The following PINX1 variants were observed in gnomAD, a reference collection of about 807,000 sequenced individuals.
The protein encoded by PINX1 is PIN2/TERF1-interacting telomerase inhibitor 1.
PINX1 carries 34 observed loss-of-function variants against 25.4 expected under a neutral mutation model. The observed-to-expected ratio is 1.34, with a 90% CI of 1.02 to 1.78. The LOEUF is 1.78. Among genes scored for constraint, PINX1 ranks in the 40% most tolerant of loss-of-function variants. The pLI, the probability that PINX1 is intolerant of heterozygous loss-of-function variation, is 0.00. For synonymous variants in PINX1, 197 were observed against 147.7 expected (o/e 1.33, Z -2.42); for missense variants, 592 against 404.9 (o/e 1.46, Z -3.97).
Position 10,812,298 on chromosome 8 carries a change from T to C in PINX1, c.471+7895A>G, listed in dbSNP as rs10109388. ...AGAATCCAAGTAATGTCCTCTCCTTTGTGGTCGAGGAAAACGTAAAACTTC... is the reference window on the plus strand; with the variant it reads ...AGAATCCAAGTAATGTCCTCTCCTTCGTGGTCGAGGAAAACGTAAAACTTC... On this transcript the variant is annotated intron_variant, in intron 6 of 6. Transcript: ENST00000314787. Among the ~76,000 whole-genome samples, 1,273 of 152,360 alleles carry C rather than the reference T, an allele frequency of 8.4e-3. 16 individuals carry two copies. The highest frequency in any genetic ancestry group is 0.029 in the African/African-American group (1,199 of 41,580).
intron 6 of PINX1, among the ~76,000 whole-genome samples, chr8:10,809,503 T>C (rs1802559493): frequency 6.6e-6 from 1 of 152,228 alleles, no homozygotes; most frequent in Non-Finnish European, 1.5e-5. Flanking sequence ...TTCCCTGCAC[T>C]CTGAATTAGA....
At chr8:10,813,699 C>A (rs999492735) in intron 6 of PINX1, among the ~76,000 whole-genome samples, 3 of 152,078 alleles carry the variant, frequency 2.0e-5, no homozygotes, top group African/African-American at 7.2e-5. Context: ...CTAATTCAAT[C>A]AGGTTAGAGA....
intron 6 of PINX1, among the ~76,000 whole-genome samples, chr8:10,770,809 G>C (rs915853823): frequency 1.3e-5 from 2 of 152,200 alleles, no homozygotes; most frequent in Non-Finnish European, 2.9e-5. Flanking sequence ...TCAAAGGCAA[G>C]TCTTTCAGCT....
intron 6 of PINX1, among the ~76,000 whole-genome samples, chr8:10,804,060 A>AG (rs1802356904): frequency 6.6e-6 from 1 of 152,232 alleles, no homozygotes; most frequent in Admixed American, 6.5e-5. Context: ...ACCCTGAGCC[A>AG]GGGCCTATGA....
At chr8:10,792,144 C>T (rs1801943082) in intron 6 of PINX1, among the ~76,000 whole-genome samples, 1 of 152,172 alleles carries the variant, frequency 6.6e-6, no homozygotes, top group Non-Finnish European at 1.5e-5. Context: ...ATTATCCTCT[C>T]ATTGGATGAC....
At chr8:10,826,892 G>A (rs896397996) in intron 4 of PINX1, among the ~76,000 whole-genome samples, 3 of 152,346 alleles carry the variant, frequency 2.0e-5, no homozygotes, top group East Asian at 3.9e-4. Context: ...TTGCTGTGCC[G>A]TGGTGGCCAA....
At chr8:10,801,179 G>A (rs946437302) in intron 6 of PINX1, among the ~76,000 whole-genome samples, 2 of 152,134 alleles carry the variant, frequency 1.3e-5, no homozygotes, top group South Asian at 4.1e-4. Flanking sequence ...GATTAATCAC[G>A]CCTATCCTGC....
intron 6 of PINX1, among the ~76,000 whole-genome samples, chr8:10,807,422 T>C (rs1045143884): frequency 1.5e-5 from 2 of 137,616 alleles, no homozygotes; most frequent in Admixed American, 8.6e-5. Flanking sequence ...CTTCAACTAC[T>C]GGCTTCCTGA....
At chr8:10,802,138 G>GA (rs949621912) in intron 6 of PINX1, among the ~76,000 whole-genome samples, 14 of 151,318 alleles carry the variant, frequency 9.3e-5, no homozygotes, top group South Asian at 2.1e-4. Flanking sequence ...AGAGCAAAGG[G>GA]AAAAAAAAAC....
intron 6 of PINX1, among the ~76,000 whole-genome samples, chr8:10,798,879 C>A (rs76980896): frequency 0.011 from 1,668 of 152,292 alleles, 30 homozygotes; most frequent in African/African-American, 0.038. Flanking sequence ...CAGCTTAGAA[C>A]TGGAGGCGGT....
intron 6 of PINX1, among the ~76,000 whole-genome samples, chr8:10,773,541 T>A (rs992852237): frequency 1.3e-5 from 2 of 152,144 alleles, no homozygotes; most frequent in Non-Finnish European, 2.9e-5. Context: ...GAGAAGATAA[T>A]ACGAACTAGA....
chr8:10,793,158 T>G lies in PINX1; in HGVS notation c.471+27035A>C, dbSNP rs72552394. Among the ~76,000 whole-genome samples the G allele has an allele frequency of 4.9e-3, 744 of 152,288 alleles. 2 individuals are homozygous for G. The highest frequency in any genetic ancestry group is 0.01 in the Middle Eastern group (3 of 294). On this transcript the variant is annotated intron_variant, in intron 6 of 6. Transcript: ENST00000314787. Reference sequence around the variant, plus strand: ...CTTCCGCTTGAGGTGCTTCAAGAAGTGTAAGCTTGAAGAGCTCCTGCCCCC... The same window carrying G: ...CTTCCGCTTGAGGTGCTTCAAGAAGGGTAAGCTTGAAGAGCTCCTGCCCCC...
At chr8:10,839,462 G>C (rs1359588473) in intron 1 of PINX1, among the ~76,000 whole-genome samples, 1 of 152,196 alleles carries the variant, frequency 6.6e-6, no homozygotes, top group African/African-American at 2.4e-5. Flanking sequence ...CCCGGGACCC[G>C]GTGTTCTGAC....
At chr8:10,835,968 C>A (rs1798393691) in intron 1 of PINX1, among the ~76,000 whole-genome samples, 1 of 151,986 alleles carries the variant, frequency 6.6e-6, no homozygotes, top group Non-Finnish European at 1.5e-5. Flanking sequence ...GTTCAAAGCA[C>A]AAGAATGTCA....
intron 6 of PINX1, among the ~76,000 whole-genome samples, chr8:10,772,165 G>T (rs138078364): frequency 2.0e-5 from 3 of 152,252 alleles, no homozygotes; most frequent in African/African-American, 7.2e-5. Context: ...GAGAGTTCTC[G>T]TGCATACCAC....
intron 6 of PINX1, among the ~76,000 whole-genome samples, chr8:10,809,215 A>G (rs189664254): frequency 5.9e-5 from 9 of 152,358 alleles, no homozygotes; most frequent in Admixed American, 1.3e-4. Context: ...AGCTCCCTTC[A>G]GTTCCCCTTC....
chr8:10,788,170 T>G (rs1190924634), intron 6 of PINX1, among the ~76,000 whole-genome samples: 1 of 152,130 alleles, frequency 6.6e-6, no homozygotes, highest in Non-Finnish European at 1.5e-5. Flanking sequence ...GGCCACGAAT[T>G]GATCATTGTT....
intron 6 of PINX1, chr8:10,787,633 A>C (rs1563210047): frequency 3.1e-6 from 1 of 322,990 alleles, no homozygotes; most frequent in Non-Finnish European, 6.1e-6. Flanking sequence ...CCTTTTGGTA[A>C]AAAGCCACAC....
At chr8:10,825,457 A>C (rs747240377) in intron 5 of PINX1, 3 of 534,594 alleles carry the variant, frequency 5.6e-6, no homozygotes, top group Non-Finnish European at 1.2e-5. Context: ...CTACAGACAA[A>C]CTGGGGAGTT....
Sources: gnomAD v4.1 joint callset for allele counts (sites outside exome capture counted in the v4.1 genomes callset) on GRCh38, gnomAD v4.1.1 for gene constraint, MANE v1.5 for transcripts, NCBI Gene and HGNC (gene_info 2026-07-23, HGNC 2026-07-21) for gene names.